Variants in LTBP2 observed in about 807,000 individuals in gnomAD.
The protein encoded by LTBP2 is latent transforming growth factor beta binding protein 2.
A neutral mutation model predicts 210.6 loss-of-function variants in LTBP2; 103 were observed. The ratio of observed to expected loss-of-function variants is 0.49; its 90% CI spans 0.42 to 0.58. The LOEUF (loss-of-function observed/expected upper bound fraction) is 0.58. Ranked by LOEUF, LTBP2 falls within the 20% of genes least tolerant of loss-of-function variation. LTBP2 has a pLI of 0.00. For missense variants in LTBP2, 2,313 were observed against 2,494.5 expected (o/e 0.93, Z 1.55); for synonymous variants, 1,007 against 1,015.0 (o/e 0.99, Z 0.15).
chr14:74,513,803 TCAAACAAA>T lies in LTBP2; in HGVS notation c.2909-2447_2909-2440del, dbSNP rs33944266. The stretch of plus-strand genomic sequence containing the variant: ...CTGGGTGACAGAGCGAGACTCTGTC[TCAAACAAA>T]CAAACAAACAAACAAACTTGGCTGC... On this transcript the variant is annotated intron_variant, in intron 18 of 35. Transcript: ENST00000261978. 7.9e-5 allele frequency among the ~76,000 whole-genome samples: 12 copies of T among 151,134 alleles called. No homozygotes were observed. In the South Asian group the frequency reaches 1.0e-3, roughly 13 times the overall value.
chr14:74,508,079 G>A lies in LTBP2; in HGVS notation c.3669C>T (p.Ala1223=). The change falls in exon 25 of 36, where the codon GCC becomes GCT. Residue 1223 remains alanine, a synonymous_variant. Coordinates refer to ENST00000261978, the MANE Select transcript of LTBP2 (RefSeq NM_000428.3). ...GTSCQDVDEC[A]TTDPCVGGHC... ...GCCCTCCCACACACGGGTCTGTGGT[G>A]GCACACTCGTCCACATCTAGAGTAG... 6.2e-7 allele frequency: 1 copy of A among 1,613,852 alleles called. No individual in the cohort carries two copies. Among genetic ancestry groups the A allele is most frequent in the South Asian group, 1.1e-5 (1 of 91,068 alleles).
At chr14:74,598,150 T>C (rs2088394876) in intron 2 of LTBP2, among the ~76,000 whole-genome samples, 1 of 152,224 alleles carries the variant, frequency 6.6e-6, no homozygotes, top group Admixed American at 6.5e-5. Flanking sequence ...GGAGCCTGAC[T>C]CCAAAGCTGG....
chr14:74,611,823 C>T lies in LTBP2; in HGVS notation c.122G>A (p.Gly41Glu), dbSNP rs1349458842. 1 of 1,611,672 alleles carries T rather than the reference C, an allele frequency of 6.2e-7. No individual in the cohort carries two copies. Among genetic ancestry groups the T allele is most frequent in the East Asian group, 2.2e-5 (1 of 44,856 alleles). Residue 41 changes from glycine (G) to glutamate (E), a missense_variant, in exon 1 of 36, where the codon GGG becomes GAG. Physicochemically the swap from Gly to Glu is moderately conservative, Grantham distance 98 (BLOSUM62 -2). Transcript: ENST00000261978. ...GTCTCCACCAGCCGGCTCGTATCTCCCTACGGGGTCCCTTTGGGCATGACC... is the reference window on the plus strand; with the variant it reads ...GTCTCCACCAGCCGGCTCGTATCTCTCTACGGGGTCCCTTTGGGCATGACC... ...GAGHAQRDPV[G>E]RYEPAGGDAN...
intron 1 of LTBP2, among the ~76,000 whole-genome samples, chr14:74,608,762 G>T (rs977776055): frequency 1.2e-3 from 46 of 38,004 alleles, no homozygotes; most frequent in Non-Finnish European, 1.9e-3. Context: ...GAAAAGAAAA[G>T]AAATGAAAAA....
chr14:74,589,805 A>C (rs1238968209), intron 2 of LTBP2, among the ~76,000 whole-genome samples: 4 of 152,148 alleles, frequency 2.6e-5, no homozygotes, highest in African/African-American at 9.7e-5. Flanking sequence ...GGGAGGGAAT[A>C]GAATGGGAAG....
At chr14:74,522,141 G>T in intron 16 of LTBP2, 102 bp from the exon 17 acceptor site, 1 of 1,367,792 alleles carries the variant, frequency 7.3e-7, no homozygotes, top group Non-Finnish European at 1.0e-6. Context: ...GCAGGGGATG[G>T]TGCTGTGTGG....
intron 10 of LTBP2, among the ~76,000 whole-genome samples, chr14:74,530,539 A>G (rs1233499030): frequency 6.6e-6 from 1 of 152,182 alleles, no homozygotes. Flanking sequence ...TTTTCTTGAG[A>G]AGAGTCTTGT....
chr14:74,588,503 G>A (rs772319035), intron 2 of LTBP2, among the ~76,000 whole-genome samples: 2 of 152,176 alleles, frequency 1.3e-5, no homozygotes, highest in Non-Finnish European at 2.9e-5. Context: ...TTACAGGTGT[G>A]AGCCGCCGCA....
intron 3 of LTBP2, among the ~76,000 whole-genome samples, chr14:74,583,073 C>T (rs1298836492): frequency 6.6e-6 from 1 of 152,232 alleles, no homozygotes; most frequent in Admixed American, 6.5e-5. Flanking sequence ...CATCAGTCCA[C>T]ATCTGGCCCT....
At chr14:74,537,304 A>G (rs1030132184) in intron 8 of LTBP2, among the ~76,000 whole-genome samples, 23 of 152,246 alleles carry the variant, frequency 1.5e-4, no homozygotes, top group African/African-American at 4.6e-4. Context: ...CTTCACAGGA[A>G]AAGGCAGGGG....
intron 3 of LTBP2, among the ~76,000 whole-genome samples, chr14:74,578,983 G>T (rs2088099656): frequency 6.6e-6 from 1 of 152,220 alleles, no homozygotes; most frequent in African/African-American, 2.4e-5. Flanking sequence ...AGCCTCCCAA[G>T]TAGCTGGGAT....
chr14:74,528,163 G>A (rs1239043393), intron 12 of LTBP2, among the ~76,000 whole-genome samples: 2 of 152,208 alleles, frequency 1.3e-5, no homozygotes, highest in Admixed American at 6.5e-5. Flanking sequence ...AGCAAGCACC[G>A]GCCCCAGAAG....
intron 3 of LTBP2, among the ~76,000 whole-genome samples, chr14:74,584,584 A>C (rs1025668604): frequency 2.0e-5 from 3 of 152,016 alleles, no homozygotes; most frequent in Admixed American, 1.3e-4. Context: ...CCAGGCCCTC[A>C]TTGTTATCCA....
In LTBP2 at chr14:74,511,332, G is replaced by A; in HGVS notation, c.2941C>T (p.Pro981Ser). ...INECRHPGTC[P>S]DGRCVNSPGS... Reference sequence around the variant, plus strand: ...GGGGAATTGACGCATCTCCCATCAGGGCAGGTACCGGGGTGACGGCATTCG... The same window carrying A: ...GGGGAATTGACGCATCTCCCATCAGAGCAGGTACCGGGGTGACGGCATTCG... Residue 981 changes from proline (P) to serine (S), a missense_variant, in exon 19 of 36, where the codon CCT becomes TCT. Transcript: ENST00000261978. 6.2e-7 allele frequency: 1 copy of A among 1,614,106 alleles called. No homozygotes were observed. The highest frequency in any genetic ancestry group is 1.1e-5 in the South Asian group (1 of 91,086).
At chr14:74,546,763 G>A (rs749114086) in intron 8 of LTBP2, among the ~76,000 whole-genome samples, 8 of 152,232 alleles carry the variant, frequency 5.3e-5, no homozygotes, top group Non-Finnish European at 7.3e-5. Flanking sequence ...TGTCTGAACC[G>A]AGCTCACCAG....
intron 3 of LTBP2, among the ~76,000 whole-genome samples, chr14:74,570,768 G>A (rs1451367260): frequency 6.6e-6 from 1 of 152,188 alleles, no homozygotes; most frequent in East Asian, 1.9e-4. Flanking sequence ...TGCTGGGCCA[G>A]GGTCTTCAGG....
At position 74,552,364 on chromosome 14, in the gene LTBP2, C is replaced by T; in HGVS notation, c.1222G>A (p.Gly408Ser). 6.2e-7 allele frequency: 1 copy of T among 1,610,450 alleles called. No individual in the cohort carries two copies. Among genetic ancestry groups the T allele is most frequent in the Non-Finnish European group, 8.5e-7 (1 of 1,180,006 alleles). Residue 408 changes from glycine to serine, a missense_variant, in exon 6 of 36, where the codon GGC (glycine) becomes AGC (serine). Gly to Ser is a moderately conservative substitution (Grantham distance 56). This residue lies in a region of LTBP2 where 1,867 missense variants were observed against 1,976.9 expected (regional missense o/e 0.94). Transcript: ENST00000261978. ...CATTCGTCCCTGCCGATGCAGCGGCCTCCGTTCAGGCAGGGGATCTGGCAG... is the reference window on the plus strand; with the variant it reads ...CATTCGTCCCTGCCGATGCAGCGGCTTCCGTTCAGGCAGGGGATCTGGCAG... ...YFCQIPCLNG[G>S]RCIGRDECWC...
chr14:74,531,667 C>T (rs1486453115), intron 10 of LTBP2, among the ~76,000 whole-genome samples: 3 of 152,360 alleles, frequency 2.0e-5, no homozygotes, highest in Non-Finnish European at 4.4e-5. Context: ...TGGCCGGTTG[C>T]AGGGAGCTCT....
At chr14:74,503,410 A>G in intron 32 of LTBP2, 24 bp from the exon 33 acceptor site, 1 of 1,610,812 alleles carries the variant, frequency 6.2e-7, no homozygotes, top group Non-Finnish European at 8.5e-7. Flanking sequence ...GCACGGAGGC[A>G]CATGAGCCCC....
Sources: allele counts gnomAD v4.1 joint callset (sites outside exome capture counted in the v4.1 genomes callset), GRCh38; gene constraint gnomAD v4.1.1; regional missense constraint gnomAD v4.1.1; transcripts MANE v1.5; gene names NCBI Gene and HGNC (gene_info 2026-07-23, HGNC 2026-07-21).